ASTN2: variants seen among roughly 807,000 people sequenced by gnomAD.
ASTN2 encodes astrotactin-2.
Under a neutral mutation model 139.8 loss-of-function variants are expected in ASTN2, and 54 were observed. The ratio of observed to expected loss-of-function variants is 0.39; its 90% CI spans 0.31 to 0.48. ASTN2 has a LOEUF of 0.48. ASTN2 is among the 20% of genes least tolerant of loss of function. The probability of loss-of-function intolerance (pLI) is 0.95; values close to 1 mark genes in which losing one functional copy is unlikely to be tolerated. For synonymous variants in ASTN2, 756 were observed against 719.5 expected, an observed-to-expected ratio of 1.05 and a Z score of -0.81; for missense variants, 1,565 against 1,725.1, an observed-to-expected ratio of 0.91 and a Z score of 1.64.
chr9:117,089,779 T>C (rs1828659376), intron 5 of ASTN2, among the ~76,000 whole-genome samples: 1 of 151,908 alleles, frequency 6.6e-6, no homozygotes, highest in Non-Finnish European at 1.5e-5. Context: ...ACATATGATG[T>C]TTGGTTTTCC....
rs1328347263 is a variant in ASTN2 at position 117,285,086 on chromosome 9, T to G, written c.630+6240A>C. Among the ~76,000 whole-genome samples, 3 of 152,326 alleles carry G rather than the reference T, an allele frequency of 2.0e-5. No individual in the cohort carries two copies. In the East Asian group the frequency reaches 5.8e-4, roughly 29 times the overall value. On this transcript the variant is annotated intron_variant, in intron 2 of 22. Transcript: ENST00000313400. ...CAATGTCTTGATTACTCAGTTATTA[T>G]TTCTACTCAGTTACTGTTTCTCTTA...
intron 15 of ASTN2, 108 bp from the exon 16 acceptor site, chr9:116,726,058 T>G (rs1714344589): frequency 8.5e-6 from 9 of 1,053,744 alleles, no homozygotes; most frequent in Middle Eastern, 6.3e-4. Context: ...GCCTTACCCC[T>G]CAGCACAGTG....
intron 3 of ASTN2, among the ~76,000 whole-genome samples, chr9:117,147,174 C>T (rs1205460651): frequency 6.6e-6 from 1 of 152,140 alleles, no homozygotes; most frequent in Non-Finnish European, 1.5e-5. Context: ...AGGCACTACA[C>T]ATTATGTCTA....
intron 11 of ASTN2, among the ~76,000 whole-genome samples, chr9:116,841,104 C>T (rs1006483789): frequency 2.0e-5 from 3 of 152,212 alleles, no homozygotes; most frequent in African/African-American, 7.2e-5. Flanking sequence ...ACTGAATGAA[C>T]GAGACTCCGT....
chr9:116,448,409 C>T (rs573474292), intron 20 of ASTN2, among the ~76,000 whole-genome samples: 1 of 152,292 alleles, frequency 6.6e-6, no homozygotes, highest in South Asian at 2.1e-4. Context: ...CCTCAGTGCC[C>T]ATCTCTATGC....
chr9:116,870,038 C>A (rs545439967), intron 10 of ASTN2, among the ~76,000 whole-genome samples: 11 of 151,082 alleles, frequency 7.3e-5, no homozygotes, highest in Admixed American at 3.3e-4. Context: ...TTGAGCCTGG[C>A]AAGTTTGGGG....
Position 117,412,422 on chromosome 9 carries a change from T to G in ASTN2, c.442+2075A>C, listed in dbSNP as rs1474345625. On this transcript the variant is annotated intron_variant, in intron 1 of 22. Transcript: ENST00000313400. ...AGGAGACTCTCAAGCAACACATGGG[T>G]CCTGGGGGAATCAAGACTTCTAATT... Among the ~76,000 whole-genome samples, 3 of 152,194 alleles carry G rather than the reference T, an allele frequency of 2.0e-5. No homozygotes were observed. In the East Asian group the frequency reaches 5.8e-4, roughly 30 times the overall value.
chr9:116,646,125 T>C (rs757291184), intron 17 of ASTN2, among the ~76,000 whole-genome samples: 11 of 152,162 alleles, frequency 7.2e-5, no homozygotes, highest in East Asian at 1.9e-4. Flanking sequence ...TGAATGGGGA[T>C]TGAGGAAACA....
intron 13 of ASTN2, among the ~76,000 whole-genome samples, chr9:116,765,739 T>TA (rs1002805637): frequency 4.5e-4 from 68 of 151,176 alleles, no homozygotes; most frequent in African/African-American, 1.4e-3. Flanking sequence ...TATTATTAAG[T>TA]AAAAAAAAAG....
intron 13 of ASTN2, among the ~76,000 whole-genome samples, chr9:116,798,667 G>A (rs892484357): frequency 6.6e-6 from 1 of 152,228 alleles, no homozygotes; most frequent in African/African-American, 2.4e-5. Flanking sequence ...CTTTGAGATA[G>A]CAATGGGACT....
intron 1 of ASTN2, among the ~76,000 whole-genome samples, chr9:117,328,768 C>T (rs1828603447): frequency 6.6e-6 from 1 of 152,092 alleles, no homozygotes; most frequent in South Asian, 2.1e-4. Context: ...CATCAGCTGC[C>T]CCATGGATGA....
chr9:117,376,288 C>A (rs1245140382), intron 1 of ASTN2, among the ~76,000 whole-genome samples: 1 of 152,080 alleles, frequency 6.6e-6, no homozygotes, highest in Non-Finnish European at 1.5e-5. Flanking sequence ...GTGTAAGTGG[C>A]AAGATAGGAA....
At chr9:116,914,102 G>A (rs1312156021) in intron 10 of ASTN2, among the ~76,000 whole-genome samples, 1 of 151,010 alleles carries the variant, frequency 6.6e-6, no homozygotes, top group Non-Finnish European at 1.5e-5. Context: ...GAGAAGCTGA[G>A]CTGGTCTTGT....
intron 10 of ASTN2, among the ~76,000 whole-genome samples, chr9:116,925,861 AACACAC>A (rs573361389): frequency 1.1e-4 from 6 of 54,102 alleles, no homozygotes; most frequent in Non-Finnish European, 2.4e-4. Flanking sequence ...TACACAACAC[AACACAC>A]ACACACACAC....
At chr9:116,461,886 C>T (rs1473422476) in intron 20 of ASTN2, among the ~76,000 whole-genome samples, 1 of 152,170 alleles carries the variant, frequency 6.6e-6, no homozygotes, top group Admixed American at 6.5e-5. Flanking sequence ...TGGACGACAA[C>T]AGTGAGAAAC....
chr9:117,326,610 T>C (rs1376919687), intron 1 of ASTN2, among the ~76,000 whole-genome samples: 1 of 152,160 alleles, frequency 6.6e-6, no homozygotes, highest in Non-Finnish European at 1.5e-5. Flanking sequence ...TTTCTTGCTT[T>C]GATAGAAGAA....
chr9:117,142,993 C>T (rs1830109856), intron 3 of ASTN2, among the ~76,000 whole-genome samples: 1 of 152,108 alleles, frequency 6.6e-6, no homozygotes, highest in African/African-American at 2.4e-5. Flanking sequence ...AAAGAAGGCT[C>T]CTGAACAACC....
chr9:117,413,929 C>T (rs1327608477), intron 1 of ASTN2, among the ~76,000 whole-genome samples: 1 of 152,270 alleles, frequency 6.6e-6, no homozygotes, highest in Non-Finnish European at 1.5e-5. Flanking sequence ...AACTGAGGCT[C>T]AGAGAAGGGA....
chr9:116,572,672 C>T (rs560778512), intron 19 of ASTN2, among the ~76,000 whole-genome samples: 1 of 152,190 alleles, frequency 6.6e-6, no homozygotes, highest in East Asian at 1.9e-4. Flanking sequence ...TCAGCTATTC[C>T]CAATTTATGT....
Sources: allele counts gnomAD v4.1 joint callset (sites outside exome capture counted in the v4.1 genomes callset), GRCh38; gene constraint gnomAD v4.1.1; transcripts MANE v1.5; gene names NCBI Gene and HGNC (gene_info 2026-07-23, HGNC 2026-07-21).